CTNNA2: variants seen among roughly 807,000 people sequenced by gnomAD.
The protein encoded by CTNNA2 is catenin alpha 2.
Under a neutral mutation model 101.0 loss-of-function variants are expected in CTNNA2, and 42 were observed. The ratio of observed to expected loss-of-function variants is 0.42; its 90% confidence interval spans 0.32 to 0.54. CTNNA2 has a LOEUF of 0.54. CTNNA2 is among the 20% of genes least tolerant of loss of function. The pLI, the probability that CTNNA2 is intolerant of heterozygous loss-of-function variation, is 0.14. For missense variants in CTNNA2, 871 were observed against 1,223.1 expected (o/e 0.71, Z 4.29); for synonymous variants, 450 against 456.4 (o/e 0.99, Z 0.18).
At chr2:79,373,079 T>G (rs1377825653) in intron 3 of CTNNA2, among the ~76,000 whole-genome samples, 1 of 152,162 alleles carries the variant, frequency 6.6e-6, no homozygotes, top group Non-Finnish European at 1.5e-5. Context: ...TATGAAAATT[T>G]TTGTAATAAA....
At chr2:79,994,210 T>A (rs1304918226) in intron 7 of CTNNA2, among the ~76,000 whole-genome samples, 1 of 152,154 alleles carries the variant, frequency 6.6e-6, no homozygotes, top group Non-Finnish European at 1.5e-5. Context: ...AGCCACTGCA[T>A]CCAGCCAAAA....
intron 8 of CTNNA2, among the ~76,000 whole-genome samples, chr2:80,414,591 T>C (rs1301190752): frequency 6.6e-6 from 1 of 152,192 alleles, no homozygotes. Context: ...TCCCGACCGC[T>C]ACCTCCTGTA....
At chr2:79,724,173 C>T (rs570911778) in intron 2 of CTNNA2, among the ~76,000 whole-genome samples, 43 of 151,924 alleles carry the variant, frequency 2.8e-4, no homozygotes, top group African/African-American at 8.9e-4. Context: ...ACTTCCTTCT[C>T]CAGTTGGTTT....
intron 14 of CTNNA2, among the ~76,000 whole-genome samples, chr2:80,587,972 A>G (rs1337228813): frequency 6.6e-6 from 1 of 152,248 alleles, no homozygotes; most frequent in Non-Finnish European, 1.5e-5. Context: ...TATGTTCTAT[A>G]AAGTCATCAT....
intron 2 of CTNNA2, among the ~76,000 whole-genome samples, chr2:79,263,377 C>T (rs1400178041): frequency 6.6e-6 from 1 of 152,032 alleles, no homozygotes. Context: ...ATCTTCCCTC[C>T]CCAACTGTCT....
At chr2:79,420,330 C>T (rs576749112) in intron 4 of CTNNA2, among the ~76,000 whole-genome samples, 48 of 152,228 alleles carry the variant, frequency 3.2e-4, no homozygotes, top group Non-Finnish European at 1.9e-4. Flanking sequence ...GACCTGAGAT[C>T]GGTTGGTCAA....
intron 7 of CTNNA2, among the ~76,000 whole-genome samples, chr2:80,194,162 G>A (rs1023390893): frequency 3.9e-5 from 6 of 152,136 alleles, no homozygotes; most frequent in South Asian, 2.1e-4. Flanking sequence ...ATTTCTCACC[G>A]CTTTGTAGCT....
chr2:79,409,122 C>T (rs1281114829), intron 4 of CTNNA2, among the ~76,000 whole-genome samples: 1 of 152,078 alleles, frequency 6.6e-6, no homozygotes, highest in Non-Finnish European at 1.5e-5. Flanking sequence ...TGTTCATGTC[C>T]TTTGCCCACT....
rs763685546 is a variant in CTNNA2, at chr2:80,581,688, A to C, written c.1894-18A>C. ...ATTATCAATTTAAGTATGCTGACTTATATCTTTTTGTCTTTAGACCCCAGA... is the reference window on the plus strand; with the variant it reads ...ATTATCAATTTAAGTATGCTGACTTCTATCTTTTTGTCTTTAGACCCCAGA... On this transcript the variant is annotated intron_variant, in intron 13 of 18. Coordinates refer to ENST00000402739, the MANE Select transcript of CTNNA2 (RefSeq NM_001282597.3). 1.4e-6 allele frequency: 2 copies of C among 1,476,682 alleles called. No homozygotes were observed. The highest frequency in any genetic ancestry group is 2.3e-5 in the East Asian group (1 of 44,238). The allele number at this position is 1,476,682 out of a possible 1,614,324, so 91.5% of individuals were successfully genotyped here. A position where few individuals can be genotyped will look rare whatever the true frequency, so the allele number is the denominator to read the frequency against.
chr2:80,049,380 G>C (rs1696727452), intron 7 of CTNNA2, among the ~76,000 whole-genome samples: 1 of 152,166 alleles, frequency 6.6e-6, no homozygotes, highest in Non-Finnish European at 1.5e-5. Flanking sequence ...GGATGTGTGA[G>C]TTTTAAATAA....
At chr2:80,377,783 A>G (rs1676101339) in intron 7 of CTNNA2, among the ~76,000 whole-genome samples, 1 of 152,202 alleles carries the variant, frequency 6.6e-6, no homozygotes, top group Admixed American at 6.5e-5. Context: ...ATGGCCGGAT[A>G]GGTAGCTCTG....
At chr2:79,395,069 C>A (rs987009933) in intron 4 of CTNNA2, among the ~76,000 whole-genome samples, 4 of 152,006 alleles carry the variant, frequency 2.6e-5, no homozygotes, top group Non-Finnish European at 1.5e-5. Context: ...AAGGGTTTTA[C>A]CTGTGTAGCC....
At chr2:80,085,558 G>A (rs1465728834) in intron 7 of CTNNA2, among the ~76,000 whole-genome samples, 1 of 152,056 alleles carries the variant, frequency 6.6e-6, no homozygotes, top group Non-Finnish European at 1.5e-5. Context: ...TATTCCTGAG[G>A]CATGTATAAT....
rs144744820 is a variant in CTNNA2, at chr2:79,620,303, C to T, written c.-5-31249C>T. On this transcript the variant is annotated intron_variant, in intron 1 of 18. Transcript: ENST00000402739. ...CTGAAGTCCTTCACATGCTCAAACA[C>T]ACTGGGCTCATTGCTGCTTCTATAT... Among the ~76,000 whole-genome samples, 659 of 152,292 alleles carry T rather than the reference C, an allele frequency of 4.3e-3. 5 individuals are homozygous for T. Among genetic ancestry groups the T allele is most frequent in the African/African-American group, 0.015 (628 of 41,566 alleles).
At chr2:80,347,036 G>A (rs1235326200) in intron 7 of CTNNA2, among the ~76,000 whole-genome samples, 1 of 152,180 alleles carries the variant, frequency 6.6e-6, no homozygotes, top group Admixed American at 6.5e-5. Flanking sequence ...CTTGATTAAA[G>A]GCTGCAGAGA....
rs111302910 is a variant in CTNNA2, at chr2:79,597,678, A to T, written c.-5-53874A>T. 6.5e-3 allele frequency among the ~76,000 whole-genome samples: 991 copies of T among 152,228 alleles called. 5 individuals carry two copies. The highest frequency in any genetic ancestry group is 1.0e-2 in the Non-Finnish European group (678 of 68,022). On this transcript the variant is annotated intron_variant, in intron 1 of 18. Coordinates refer to ENST00000402739, the MANE Select transcript of CTNNA2 (RefSeq NM_001282597.3). ...TGCACAGAGAAATTGAGCAGAAATTATAGAGAGTTACCAAATATCCCATCC... is the reference window on the plus strand; with the variant it reads ...TGCACAGAGAAATTGAGCAGAAATTTTAGAGAGTTACCAAATATCCCATCC...
Position 79,185,769 on chromosome 2 carries a change from TG to T in CTNNA2, c.-524+340del, listed in dbSNP as rs540790016. Among the ~76,000 whole-genome samples, 45 of 152,170 alleles carry T rather than the reference TG, an allele frequency of 3.0e-4. No homozygotes were observed. In the South Asian group the frequency reaches 8.9e-3, roughly 30 times the overall value. Reference sequence around the variant, plus strand: ...TCACTGTTGTTCCCACCAAGAAAACTGGTCATTTGGGGATGTTAGATTGTGT... The same window carrying T: ...TCACTGTTGTTCCCACCAAGAAAACTGTCATTTGGGGATGTTAGATTGTGT... On this transcript the variant is annotated intron_variant, in intron 1 of 21. Transcript: ENST00000466387.
intron 4 of CTNNA2, among the ~76,000 whole-genome samples, chr2:79,426,776 T>C (rs571644826): frequency 6.6e-6 from 1 of 152,264 alleles, no homozygotes; most frequent in South Asian, 2.1e-4. Context: ...TCTGTAATTT[T>C]CCAACTTCAT....
chr2:80,542,824 T>C (rs1375534689), intron 9 of CTNNA2, among the ~76,000 whole-genome samples: 2 of 152,152 alleles, frequency 1.3e-5, no homozygotes, highest in East Asian at 3.9e-4. Context: ...TATTAAAAGG[T>C]AGAACTTTAA....
Sources: gnomAD v4.1 joint callset for allele counts (sites outside exome capture counted in the v4.1 genomes callset) on GRCh38, gnomAD v4.1.1 for gene constraint, MANE v1.5 for transcripts, NCBI Gene and HGNC (gene_info 2026-07-23, HGNC 2026-07-21) for gene names.